The following EPSTI1 variants were observed in gnomAD, a reference collection of about 807,000 sequenced individuals.
EPSTI1 encodes the protein epithelial-stromal interaction protein 1.
In EPSTI1, 66 loss-of-function variants were observed where a neutral mutation model predicts 49.9. The ratio of observed to expected loss-of-function variants is 1.32; its 90% CI spans 1.08 to 1.62. The LOEUF (loss-of-function observed/expected upper bound fraction) is 1.62, where lower values mean the gene tolerates loss of function less well. Ranked by LOEUF, EPSTI1 falls within the 40% of genes most tolerant of loss-of-function variation. EPSTI1 has a pLI of 0.00. For synonymous variants in EPSTI1, 137 were observed against 130.7 expected (o/e 1.05, Z -0.33); for missense variants, 394 against 365.5 (o/e 1.08, Z -0.64).
chr13:42,968,907 GA>G lies in EPSTI1; in HGVS notation c.331+186del, dbSNP rs61506027. On this transcript the variant is annotated intron_variant, in intron 3 of 10. Coordinates refer to ENST00000313624, the MANE Select transcript of EPSTI1 (RefSeq NM_033255.5). ...CAGGTTTGCTACTTGCAGAAAATCA[GA>G]AAAAAAAAAAAATACACACACACAC... Among the ~76,000 whole-genome samples, 1,030 of 115,130 alleles carry G rather than the reference GA, an allele frequency of 8.9e-3. 10 individuals carry two copies. Among genetic ancestry groups the G allele is most frequent in the East Asian group, 0.013 (49 of 3,852 alleles). 75.5% of individuals were successfully genotyped at this position (115,130 alleles called of 152,430 possible).
At chr13:42,921,530 A>G (rs2153420108) in intron 7 of EPSTI1, among the ~76,000 whole-genome samples, 1 of 152,328 alleles carries the variant, frequency 6.6e-6, no homozygotes, top group Non-Finnish European at 1.5e-5. Flanking sequence ...AAGAAAATAG[A>G]AGAAATGAGG....
intron 3 of EPSTI1, 129 bp downstream of exon 3, chr13:42,968,965 T>A: frequency 5.7e-6 from 4 of 697,026 alleles, no homozygotes; most frequent in Non-Finnish European, 6.8e-6. Flanking sequence ...ATTAAATGCA[T>A]TCCACCCAAG....
intron 1 of EPSTI1, among the ~76,000 whole-genome samples, chr13:42,984,908 C>G (rs4245317): frequency 0.94 from 142,875 of 152,298 alleles, 67,467 homozygotes; most frequent in Non-Finnish European, 1. Flanking sequence ...TCTGCATAGA[C>G]AGCATGCCAA....
In EPSTI1 at chr13:42,922,584, G is replaced by A. The variant is rs1310657838; in HGVS notation, c.657+3752C>T. Reference sequence around the variant, plus strand: ...CCATTTTTATTGCTGACCTCCAGAAGTGTTAAGAGAATAAATTTTTGTTCT... The same window carrying A: ...CCATTTTTATTGCTGACCTCCAGAAATGTTAAGAGAATAAATTTTTGTTCT... On this transcript the variant is annotated intron_variant, in intron 7 of 10. Coordinates refer to ENST00000313624, the MANE Select transcript of EPSTI1 (RefSeq NM_033255.5). The surrounding 1 kb of genome is among the most constrained non-coding windows in gnomAD (Gnocchi z 4.8). Among the ~76,000 whole-genome samples, 3 of 152,144 alleles carry A rather than the reference G, an allele frequency of 2.0e-5. No homozygotes were observed. The highest frequency in any genetic ancestry group is 6.5e-5 in the Admixed American group (1 of 15,278).
At chr13:42,960,709 G>A (rs1318872006) in intron 5 of EPSTI1, among the ~76,000 whole-genome samples, 1 of 152,166 alleles carries the variant, frequency 6.6e-6, no homozygotes, top group Non-Finnish European at 1.5e-5. Context: ...AGGCTCAAAG[G>A]GAAATAATCA....
intron 1 of EPSTI1, among the ~76,000 whole-genome samples, chr13:42,980,708 G>A (rs553113828): frequency 6.6e-6 from 1 of 152,204 alleles, no homozygotes; most frequent in African/African-American, 2.4e-5. Flanking sequence ...ATGGCCCTAG[G>A]TTTTCTACTT....
chr13:42,938,210 T>C (rs541741553), intron 6 of EPSTI1, among the ~76,000 whole-genome samples: 1 of 152,214 alleles, frequency 6.6e-6, no homozygotes, highest in South Asian at 2.1e-4. Context: ...AGTTGAAATA[T>C]GCTAACTTTG....
In EPSTI1 at chr13:42,887,688, T is replaced by A. The variant is rs1392549962; in HGVS notation, c.*806A>T. On this transcript the variant is annotated 3_prime_UTR_variant, in exon 11 of 11. Coordinates refer to ENST00000313624, the MANE Select transcript of EPSTI1 (RefSeq NM_033255.5). ...ATAAGAAAGCCAACTGAACTAGCAA[T>A]AGGAAATAGGTTACACAGAGCAAAG... is the stretch of plus-strand genomic sequence containing the variant. 1 of 152,120 alleles carries A rather than the reference T, an allele frequency of 6.6e-6. No homozygotes were observed. The highest frequency in any genetic ancestry group is 1.5e-5 in the Non-Finnish European group (1 of 68,054). The allele number at this position is 152,120 out of a possible 1,614,324, so 9.4% of individuals were successfully genotyped here.
At chr13:42,959,777 CA>C (rs975532946) in intron 5 of EPSTI1, among the ~76,000 whole-genome samples, 2 of 152,096 alleles carry the variant, frequency 1.3e-5, no homozygotes, top group Non-Finnish European at 2.9e-5. Flanking sequence ...GTTATGATAC[CA>C]AGAGGTTGGG....
chr13:42,912,893 T>A (rs1391892863), intron 8 of EPSTI1, among the ~76,000 whole-genome samples: 2 of 151,434 alleles, frequency 1.3e-5, no homozygotes, highest in African/African-American at 2.4e-5. Flanking sequence ...AGATCTGAAA[T>A]GTCCAAAGTC....
intron 8 of EPSTI1, 22 bp from the exon 9 acceptor site, chr13:42,900,405 A>G: frequency 6.2e-7 from 1 of 1,611,414 alleles, no homozygotes; most frequent in Non-Finnish European, 8.5e-7. Context: ...AAAAGTTTTA[A>G]AATATGGTTT....
intron 7 of EPSTI1, chr13:42,919,370 A>ATTT: frequency 6.3e-7 from 1 of 1,599,124 alleles, no homozygotes. Flanking sequence ...ATTGATCACT[A>ATTT]TTTTTCTTAG....
At chr13:42,904,856 C>T (rs1329417122) in intron 8 of EPSTI1, among the ~76,000 whole-genome samples, 1 of 152,018 alleles carries the variant, frequency 6.6e-6, no homozygotes, top group Non-Finnish European at 1.5e-5. Context: ...GATGTGTATC[C>T]AAAACATTTA....
intron 10 of EPSTI1, among the ~76,000 whole-genome samples, chr13:42,892,761 A>T (rs2037075019): frequency 6.6e-6 from 1 of 152,188 alleles, no homozygotes; most frequent in Non-Finnish European, 1.5e-5. Context: ...ATTTCATAAG[A>T]AAGAATGTAT....
chr13:42,944,378 A>G (rs534539020), intron 6 of EPSTI1, among the ~76,000 whole-genome samples: 1 of 152,352 alleles, frequency 6.6e-6, no homozygotes, highest in South Asian at 2.1e-4. Context: ...AGAGACATGG[A>G]TGAAGCTGGA....
At chr13:42,914,151 C>T (rs1241308380) in intron 8 of EPSTI1, among the ~76,000 whole-genome samples, 1 of 152,134 alleles carries the variant, frequency 6.6e-6, no homozygotes. Context: ...CTGACTAATA[C>T]AATTAGTTAC....
chr13:42,972,259 G>A (rs893578857), intron 1 of EPSTI1, among the ~76,000 whole-genome samples: 3 of 152,048 alleles, frequency 2.0e-5, no homozygotes, highest in East Asian at 1.9e-4. Context: ...AGCCTTTATC[G>A]TGCATCATAA....
At chr13:42,988,685 T>C (rs1025149746) in intron 1 of EPSTI1, among the ~76,000 whole-genome samples, 1 of 151,042 alleles carries the variant, frequency 6.6e-6, no homozygotes, top group Non-Finnish European at 1.5e-5. Flanking sequence ...GAGCTGAGAT[T>C]GCGCTGTTGC....
At chr13:42,936,283 A>T (rs2038560198) in intron 6 of EPSTI1, among the ~76,000 whole-genome samples, 1 of 152,190 alleles carries the variant, frequency 6.6e-6, no homozygotes, top group Admixed American at 6.5e-5. Context: ...TCATCCAGTT[A>T]CTGCCTCATT....
Sources: allele counts gnomAD v4.1 joint callset (sites outside exome capture counted in the v4.1 genomes callset), GRCh38; gene constraint gnomAD v4.1.1; non-coding constraint Gnocchi (gnomAD v3.1); transcripts MANE v1.5; gene names NCBI Gene and HGNC (gene_info 2026-07-23, HGNC 2026-07-21).